Variants in SND1 observed in about 807,000 individuals in gnomAD.
SND1 encodes the protein staphylococcal nuclease domain-containing protein 1.
In SND1, 38 loss-of-function variants were observed where a neutral mutation model predicts 121.7. That is an observed-to-expected ratio of 0.31 (90% CI 0.24 to 0.41). The LOEUF (loss-of-function observed/expected upper bound fraction) is 0.41. Among genes scored for constraint, SND1 ranks in the 10% least tolerant of loss-of-function variants. SND1 has a pLI of 1.00. For synonymous variants in SND1, 401 were observed against 447.4 expected, an observed-to-expected ratio of 0.90 and a Z score of 1.31; for missense variants, 868 against 1,184.6, an observed-to-expected ratio of 0.73 and a Z score of 3.92.
intron 16 of SND1, among the ~76,000 whole-genome samples, chr7:128,068,573 G>A (rs1255446335): frequency 6.6e-6 from 1 of 152,224 alleles, no homozygotes; most frequent in Non-Finnish European, 1.5e-5. Flanking sequence ...GGGACCAAGT[G>A]TATATTTCTG....
At chr7:127,783,658 GT>G in intron 10 of SND1, among the ~76,000 whole-genome samples, 1 of 152,280 alleles carries the variant, frequency 6.6e-6, no homozygotes, top group South Asian at 2.1e-4. Context: ...TGTACTTGGA[GT>G]TTAGCTTGAG....
intron 10 of SND1, among the ~76,000 whole-genome samples, chr7:127,792,299 G>A (rs1310390190): frequency 6.6e-6 from 1 of 152,154 alleles, no homozygotes; most frequent in African/African-American, 2.4e-5. Context: ...ATAGGTAAGA[G>A]GGAATTTTCT....
At chr7:127,832,304 A>G (rs1798755401) in intron 11 of SND1, among the ~76,000 whole-genome samples, 1 of 152,220 alleles carries the variant, frequency 6.6e-6, no homozygotes, top group Non-Finnish European at 1.5e-5. Context: ...AAGGACATCC[A>G]CATATTAAAT....
intron 12 of SND1, among the ~76,000 whole-genome samples, chr7:127,884,932 T>C (rs1221846186): frequency 6.6e-6 from 1 of 152,166 alleles, no homozygotes; most frequent in African/African-American, 2.4e-5. Flanking sequence ...GTAGGGTTGA[T>C]ATTCCTTAGT....
At position 127,703,236 on chromosome 7, in the gene SND1, C is replaced by A; in HGVS notation, c.753C>A (p.Phe251Leu). ...PEPFAAEAKF[F>L]TESRLLQRDV... is the part of the protein sequence containing the mutation. ...CTTTTGCTGCAGAAGCCAAATTTTT[C>A]ACTGAGTCGCGACTGCTTCAGAGAG... The change falls in exon 7 of 24, where the codon TTC becomes TTA. Residue 251 changes from phenylalanine to leucine, a missense_variant. This residue lies in a region of SND1 where 743 missense variants were observed against 1,071.3 expected (regional missense o/e 0.69). Transcript: ENST00000354725. 1 of 1,614,174 alleles carries A rather than the reference C, an allele frequency of 6.2e-7. No homozygotes were observed. Among genetic ancestry groups the A allele is most frequent in the Non-Finnish European group, 8.5e-7 (1 of 1,180,000 alleles).
At chr7:127,859,477 C>T (rs1799339898) in intron 12 of SND1, among the ~76,000 whole-genome samples, 1 of 152,154 alleles carries the variant, frequency 6.6e-6, no homozygotes. Context: ...CCAAAGTTTG[C>T]TCTATTCCCT....
chr7:128,083,134 C>T (rs1054379802), intron 18 of SND1, among the ~76,000 whole-genome samples: 36 of 152,184 alleles, frequency 2.4e-4, no homozygotes, highest in Non-Finnish European at 3.8e-4. Flanking sequence ...CATCCTCTCA[C>T]CCTGTCTCCC....
chr7:128,022,108 G>A (rs1436411706), intron 16 of SND1, among the ~76,000 whole-genome samples: 3 of 150,156 alleles, frequency 2.0e-5, no homozygotes, highest in Non-Finnish European at 4.4e-5. Flanking sequence ...GGAAGCTGAC[G>A]CCAGGAGAAT....
chr7:127,913,454 A>AT (rs1332034817), intron 14 of SND1, among the ~76,000 whole-genome samples: 6 of 152,130 alleles, frequency 3.9e-5, no homozygotes, highest in Non-Finnish European at 5.9e-5. Flanking sequence ...AGTTAGGAAC[A>AT]TTTTTTCCAA....
At chr7:128,009,085 A>G (rs541167722) in intron 16 of SND1, among the ~76,000 whole-genome samples, 3 of 152,338 alleles carry the variant, frequency 2.0e-5, no homozygotes, top group South Asian at 2.1e-4. Flanking sequence ...TAATTTTCTC[A>G]GGATTGCTAT....
At chr7:127,701,778 G>T (rs2116339944) in intron 5 of SND1, among the ~76,000 whole-genome samples, 1 of 152,250 alleles carries the variant, frequency 6.6e-6, no homozygotes, top group East Asian at 1.9e-4. Context: ...AAATGGTGCA[G>T]TATTTGCCTA....
At chr7:128,027,660 A>C (rs1803516405) in intron 16 of SND1, 1 of 152,128 alleles carries the variant, frequency 6.6e-6, no homozygotes, top group Non-Finnish European at 1.5e-5. Flanking sequence ...CTCCACCTTA[A>C]AACAAACAAA....
intron 10 of SND1, among the ~76,000 whole-genome samples, chr7:127,792,879 G>T (rs1226153965): frequency 6.6e-6 from 1 of 152,222 alleles, no homozygotes; most frequent in Admixed American, 6.5e-5. Context: ...GGAGCCACTG[G>T]CAGGAATAGG....
chr7:127,810,029 C>T (rs1478875525), intron 11 of SND1, among the ~76,000 whole-genome samples: 3 of 152,104 alleles, frequency 2.0e-5, no homozygotes, highest in Non-Finnish European at 4.4e-5. Flanking sequence ...GTCCAGATGC[C>T]AGTAAAGTAT....
chr7:128,080,949 T>A (rs1160304517), intron 17 of SND1, among the ~76,000 whole-genome samples: 1 of 151,504 alleles, frequency 6.6e-6, no homozygotes, highest in Non-Finnish European at 1.5e-5. Context: ...CCACAGTCAC[T>A]CGCCCAGGGC....
intron 16 of SND1, among the ~76,000 whole-genome samples, chr7:128,059,480 G>A (rs1793196763): frequency 6.6e-6 from 1 of 152,186 alleles, no homozygotes; most frequent in Admixed American, 6.5e-5. Context: ...TAAAGTGAAT[G>A]TTAGGTCTCT....
intron 17 of SND1, among the ~76,000 whole-genome samples, chr7:128,080,891 T>G (rs1037929134): frequency 6.6e-6 from 1 of 151,980 alleles, no homozygotes; most frequent in Non-Finnish European, 1.5e-5. Context: ...ACCTTTCCCC[T>G]CCGAGATAGA....
rs564076696 is a variant in SND1 at position 128,092,329 on chromosome 7, A to C, written c.*271A>C. 43 of 275,684 alleles carry C rather than the reference A, an allele frequency of 1.6e-4. No individual in the cohort carries two copies. Among genetic ancestry groups the C allele is most frequent in the Non-Finnish European group, 2.4e-4 (36 of 151,316 alleles). The allele number at this position is 275,684 out of a possible 1,614,324, so 17.1% of individuals were successfully genotyped here. A position where few individuals can be genotyped will look rare whatever the true frequency, so the allele number is the denominator to read the frequency against. ...ATTTGGAGGTTTGTGGGCTTTTTTTAAAAAAAAAAAGTCCTCAAATCAGGA... is the reference window on the plus strand; with the variant it reads ...ATTTGGAGGTTTGTGGGCTTTTTTTCAAAAAAAAAAGTCCTCAAATCAGGA... On this transcript the variant is annotated 3_prime_UTR_variant, in exon 24 of 24. Coordinates refer to ENST00000354725, the MANE Select transcript of SND1 (RefSeq NM_014390.4). This position sits in a 1 kb window ranked among gnomAD's most constrained non-coding sequence, Gnocchi z 4.9.
At chr7:128,087,631 T>C (rs1793708044) in intron 21 of SND1, among the ~76,000 whole-genome samples, 1 of 152,170 alleles carries the variant, frequency 6.6e-6, no homozygotes, top group South Asian at 2.1e-4. Context: ...ATTTGGGCAG[T>C]GGGACCTCCA....
Sources: allele counts gnomAD v4.1 joint callset (sites outside exome capture counted in the v4.1 genomes callset), GRCh38; gene constraint gnomAD v4.1.1; regional missense constraint gnomAD v4.1.1; non-coding constraint Gnocchi (gnomAD v3.1); transcripts MANE v1.5; gene names NCBI Gene and HGNC (gene_info 2026-07-23, HGNC 2026-07-21).